The following NME7 variants were observed in gnomAD, a reference collection of about 807,000 sequenced individuals.
NME7 encodes the protein NME/NM23 family member 7.
Under a neutral mutation model 49.1 loss-of-function variants are expected in NME7, and 41 were observed. The observed-to-expected ratio is 0.83, with a 90% CI of 0.65 to 1.08. The LOEUF is 1.08. Ranked by LOEUF, NME7 falls within the 50% of genes least tolerant of loss-of-function variation. The pLI, the probability that NME7 is intolerant of heterozygous loss-of-function variation, is 0.00. For synonymous variants in NME7, 139 were observed against 150.6 expected, an observed-to-expected ratio of 0.92 and a Z score of 0.56; for missense variants, 423 against 463.4, an observed-to-expected ratio of 0.91 and a Z score of 0.80.
chr1:169,161,850 T>C (rs1659255679), intron 11 of NME7, among the ~76,000 whole-genome samples: 1 of 152,238 alleles, frequency 6.6e-6, no homozygotes, highest in African/African-American at 2.4e-5. Context: ...GGTTCTATAA[T>C]GCTTTACTGC....
At chr1:169,202,383 C>T (rs1435529390) in intron 10 of NME7, among the ~76,000 whole-genome samples, 1 of 152,162 alleles carries the variant, frequency 6.6e-6, no homozygotes, top group Non-Finnish European at 1.5e-5. Context: ...CCTGCTTTTG[C>T]CATGTGACAT....
intron 6 of NME7, 120 bp from the exon 7 acceptor site, chr1:169,287,528 G>A: frequency 1.3e-6 from 1 of 753,666 alleles, no homozygotes; most frequent in Non-Finnish European, 2.1e-6. Context: ...TAAATTTTTT[G>A]TTTCAGATTT....
chr1:169,161,662 C>G (rs1266188958), intron 11 of NME7, among the ~76,000 whole-genome samples: 1 of 152,214 alleles, frequency 6.6e-6, no homozygotes, highest in African/African-American at 2.4e-5. Flanking sequence ...GCTGTCTTCA[C>G]TCATTCCTGG....
intron 7 of NME7, among the ~76,000 whole-genome samples, chr1:169,261,847 A>G (rs1649175133): frequency 7.5e-6 from 1 of 134,092 alleles, no homozygotes; most frequent in South Asian, 2.3e-4. Flanking sequence ...ATAATTTTAA[A>G]CAGTCTCCCC....
chr1:169,217,794 G>A (rs142415468), intron 10 of NME7, among the ~76,000 whole-genome samples: 184 of 152,258 alleles, frequency 1.2e-3, no homozygotes, highest in African/African-American at 4.1e-3. Context: ...GCATGGTGTA[G>A]CCTTTTTGTG....
At chr1:169,178,648 T>C (rs1659834065) in intron 10 of NME7, among the ~76,000 whole-genome samples, 3 of 152,108 alleles carry the variant, frequency 2.0e-5, no homozygotes, top group Non-Finnish European at 1.5e-5. Context: ...AGCTGAACTC[T>C]CAGTGATATT....
intron 7 of NME7, among the ~76,000 whole-genome samples, chr1:169,265,974 C>T (rs1649305971): frequency 7.6e-6 from 1 of 131,498 alleles, no homozygotes; most frequent in African/African-American, 2.6e-5. Context: ...CAGTAAAAGC[C>T]TACCAATCAA....
At chr1:169,159,595 A>G (rs535871998) in intron 11 of NME7, among the ~76,000 whole-genome samples, 2 of 152,282 alleles carry the variant, frequency 1.3e-5, no homozygotes, top group African/African-American at 4.8e-5. Context: ...TGCTTTCTGC[A>G]GAACTTCAGT....
intron 10 of NME7, 115 bp downstream of exon 10, chr1:169,230,603 T>C (rs531808992): frequency 4.8e-5 from 23 of 477,614 alleles, no homozygotes; most frequent in Admixed American, 1.2e-4. Flanking sequence ...TAAAACTTTG[T>C]ATATTATATT....
intron 11 of NME7, among the ~76,000 whole-genome samples, chr1:169,151,690 G>A (rs559347349): frequency 1.3e-5 from 2 of 152,316 alleles, no homozygotes; most frequent in African/African-American, 4.8e-5. Flanking sequence ...CCAGGCCCTT[G>A]GGTAAGAATG....
chr1:169,145,932 A>G (rs1487089178), intron 11 of NME7, among the ~76,000 whole-genome samples: 1 of 152,146 alleles, frequency 6.6e-6, no homozygotes, highest in African/African-American at 2.4e-5. Context: ...GAGATACAGC[A>G]TTTCATATTA....
At chr1:169,227,358 C>A (rs955995045) in intron 10 of NME7, among the ~76,000 whole-genome samples, 1 of 152,150 alleles carries the variant, frequency 6.6e-6, no homozygotes, top group South Asian at 2.1e-4. Context: ...TAATTCCTTA[C>A]AATTCAGCTC....
rs2094433637 is a variant in NME7, at chr1:169,324,593, A to C, written c.4-93T>G. Reference sequence around the variant, plus strand: ...CAAAATGAAATTACCAATATGCAAGAAACAAAATTACTTCTACCTATTATA... The same window carrying C: ...CAAAATGAAATTACCAATATGCAAGCAACAAAATTACTTCTACCTATTATA... On this transcript the variant is annotated intron_variant, in intron 1 of 11. Coordinates refer to ENST00000367811, the MANE Select transcript of NME7 (RefSeq NM_013330.5). 16 of 726,904 alleles carry C rather than the reference A, an allele frequency of 2.2e-5. No homozygotes were observed. The South Asian group carries it at 2.6e-4, about 12-fold the overall frequency. 45.0% of individuals were successfully genotyped at this position (726,904 alleles called of 1,614,324 possible).
rs183238156 is a variant in NME7 at position 169,212,962 on chromosome 1, C to T, written c.990+17756G>A. Among the ~76,000 whole-genome samples, 288 of 152,082 alleles carry T rather than the reference C, an allele frequency of 1.9e-3. 2 individuals carry two copies. Among genetic ancestry groups the T allele is most frequent in the African/African-American group, 6.8e-3 (282 of 41,494 alleles). On this transcript the variant is annotated intron_variant, in intron 10 of 11. Coordinates refer to ENST00000367811, the MANE Select transcript of NME7 (RefSeq NM_013330.5). The stretch of plus-strand genomic sequence containing the variant: ...CCTTTTTGCAGTGTACTTGGTGTTA[C>T]ATTTTTTGCATTTTTGTATTTTCTG...
intron 11 of NME7, among the ~76,000 whole-genome samples, chr1:169,149,133 G>C (rs955047265): frequency 3.9e-5 from 6 of 152,306 alleles, no homozygotes; most frequent in Admixed American, 2.0e-4. Flanking sequence ...CTGAGGTCAG[G>C]AGTTTGAGAC....
intron 10 of NME7, among the ~76,000 whole-genome samples, chr1:169,229,922 G>A (rs1215187369): frequency 3.3e-5 from 5 of 150,630 alleles, no homozygotes; most frequent in Admixed American, 1.3e-4. Context: ...AGATTGCACC[G>A]CTGCACTCTA....
intron 9 of NME7, among the ~76,000 whole-genome samples, chr1:169,234,339 G>C (rs1035728393): frequency 6.6e-6 from 1 of 152,050 alleles, no homozygotes; most frequent in Non-Finnish European, 1.5e-5. Context: ...TTGGCTTATA[G>C]CAGATACTCA....
intron 10 of NME7, among the ~76,000 whole-genome samples, chr1:169,180,239 T>C (rs769695349): frequency 6.6e-6 from 1 of 152,212 alleles, no homozygotes; most frequent in Non-Finnish European, 1.5e-5. Flanking sequence ...AGGCATTTAG[T>C]AGATATAATC....
At chr1:169,159,965 C>A (rs574357880) in intron 11 of NME7, among the ~76,000 whole-genome samples, 1 of 152,292 alleles carries the variant, frequency 6.6e-6, no homozygotes, top group African/African-American at 2.4e-5. Context: ...TGCCACTCAA[C>A]ATGAAAGCTT....
Sources: gnomAD v4.1 joint callset for allele counts (sites outside exome capture counted in the v4.1 genomes callset) on GRCh38, gnomAD v4.1.1 for gene constraint, MANE v1.5 for transcripts, NCBI Gene and HGNC (gene_info 2026-07-23, HGNC 2026-07-21) for gene names.